The following ODR4 variants were observed in gnomAD, a reference collection of about 807,000 sequenced individuals.
ODR4 encodes the protein protein odr-4 homolog.
ODR4 carries 47 observed loss-of-function variants against 60.2 expected under a neutral mutation model. That is an observed-to-expected ratio of 0.78 (90% CI 0.62 to 1.00). The LOEUF is 1.00. ODR4 is among the 50% of genes least tolerant of loss of function. ODR4 has a pLI of 0.00. For missense variants in ODR4, 488 were observed against 530.8 expected (o/e 0.92, Z 0.79); for synonymous variants, 178 against 175.5 (o/e 1.01, Z -0.11).
At chr1:186,423,407 G>A (rs1661829928), downstream of ODR4, among the ~76,000 whole-genome samples, 1 of 144,432 alleles carries the variant, frequency 6.9e-6, no homozygotes, top group African/African-American at 2.6e-5. Context: ...TTAAAAATCA[G>A]GAACACAAGG....
At chr1:186,413,003 A>G (rs1165404881) in intron 12 of ODR4, among the ~76,000 whole-genome samples, 5 of 152,270 alleles carry the variant, frequency 3.3e-5, no homozygotes, top group African/African-American at 1.2e-4. Flanking sequence ...ACCATAAGAA[A>G]GTGGAGCTCA....
chr1:186,376,550 C>A (rs1000391892), intron 1 of ODR4, among the ~76,000 whole-genome samples: 1 of 152,058 alleles, frequency 6.6e-6, no homozygotes, highest in Non-Finnish European at 1.5e-5. Context: ...GAAATTTATT[C>A]TTTTTCTCTA....
At chr1:186,377,817 AG>A (rs1235236709) in intron 1 of ODR4, among the ~76,000 whole-genome samples, 1 of 152,180 alleles carries the variant, frequency 6.6e-6, no homozygotes, top group Non-Finnish European at 1.5e-5. Context: ...AGGCCAAGGC[AG>A]GCAGATCACA....
In ODR4 at chr1:186,419,155, T is replaced by C; in HGVS notation, c.*79T>C. ...GAATAATAAAGATGTTAACAATCCA[T>C]CTGTATTTAAAACACTAGCAGCCAG... On this transcript the variant is annotated 3_prime_UTR_variant, in exon 14 of 14. Transcript: ENST00000287859. 7.8e-7 allele frequency: 1 copy of C among 1,288,718 alleles called. No homozygotes were observed. The highest frequency in any genetic ancestry group is 1.1e-6 in the Non-Finnish European group (1 of 909,718). 79.8% of individuals were successfully genotyped at this position (1,288,718 alleles called of 1,614,324 possible).
At chr1:186,393,278 A>G (rs1472268445) in intron 8 of ODR4, among the ~76,000 whole-genome samples, 1 of 152,198 alleles carries the variant, frequency 6.6e-6, no homozygotes, top group Non-Finnish European at 1.5e-5. Context: ...ATGAACTTAA[A>G]AGTTAAAAAA....
chr1:186,376,059 GA>G (rs1157001049), intron 1 of ODR4, 85 bp downstream of exon 1: 1 of 154,668 alleles, frequency 6.5e-6, no homozygotes, highest in East Asian at 1.9e-4. Flanking sequence ...GACAGTGTTG[GA>G]ACCATATGGA....
intron 12 of ODR4, among the ~76,000 whole-genome samples, chr1:186,413,148 A>G (rs1459333787): frequency 6.6e-6 from 1 of 152,104 alleles, no homozygotes; most frequent in African/African-American, 2.4e-5. Flanking sequence ...CTGAAATACA[A>G]AATGCTCCAA....
chr1:186,426,942 G>A, the ODR4 span, among the ~76,000 whole-genome samples: 1 of 152,006 alleles, frequency 6.6e-6, no homozygotes, highest in Non-Finnish European at 1.5e-5. Context: ...AAATAACAAT[G>A]TATATACCTT....
intron 3 of ODR4, among the ~76,000 whole-genome samples, chr1:186,384,840 C>T (rs568184591): frequency 3.9e-5 from 6 of 151,958 alleles, no homozygotes; most frequent in South Asian, 4.2e-4. Flanking sequence ...AGGAAAACAC[C>T]GAAAGACATA....
At chr1:186,426,988 G>A in the ODR4 span, among the ~76,000 whole-genome samples, 1 of 152,082 alleles carries the variant, frequency 6.6e-6, no homozygotes, top group African/African-American at 2.4e-5. Context: ...AATAAAAGTG[G>A]CAATCCTCTG....
intron 12 of ODR4, chr1:186,417,324 A>G (rs1661611250): frequency 4.7e-6 from 2 of 423,106 alleles, no homozygotes; most frequent in African/African-American, 2.1e-5. Flanking sequence ...GTTTAGTTCA[A>G]TGATAAAGCT....
chr1:186,392,252 G>A (rs1170537817), intron 8 of ODR4, among the ~76,000 whole-genome samples: 1 of 152,086 alleles, frequency 6.6e-6, no homozygotes, highest in Non-Finnish European at 1.5e-5. Context: ...TAAAAACAGA[G>A]ATACCATTTG....
At chr1:186,390,901 G>A in intron 7 of ODR4, 50 bp downstream of exon 7, 3 of 1,523,346 alleles carry the variant, frequency 2.0e-6, no homozygotes, top group Non-Finnish European at 2.7e-6. Context: ...TGAACAATCT[G>A]CTTTTATTCT....
intron 4 of ODR4, among the ~76,000 whole-genome samples, chr1:186,387,248 C>T (rs967432856): frequency 1.2e-4 from 18 of 152,126 alleles, no homozygotes; most frequent in African/African-American, 4.1e-4. Context: ...GAGATATTCT[C>T]CTCCCTGCTA....
intron 2 of ODR4, among the ~76,000 whole-genome samples, chr1:186,381,380 G>T (rs993673433): frequency 9.9e-5 from 15 of 150,812 alleles, no homozygotes; most frequent in Non-Finnish European, 2.1e-4. Flanking sequence ...AGGCTGGAGT[G>T]CAGTGGCGCA....
chr1:186,393,911 T>G, intron 8 of ODR4, 36 bp from the exon 9 acceptor site: 1 of 1,140,812 alleles, frequency 8.8e-7, no homozygotes, highest in Non-Finnish European at 1.3e-6. Flanking sequence ...TTTACAGGCT[T>G]CACAGTTTGG....
chr1:186,395,122 T>C (rs1277740498), intron 9 of ODR4, among the ~76,000 whole-genome samples: 1 of 152,100 alleles, frequency 6.6e-6, no homozygotes, highest in Non-Finnish European at 1.5e-5. Context: ...TGAGACGGAG[T>C]CTCGCTCTGT....
At chr1:186,391,877 A>T (rs1216009649) in intron 8 of ODR4, 86 bp downstream of exon 8, 1 of 787,794 alleles carries the variant, frequency 1.3e-6, no homozygotes, top group East Asian at 2.8e-5. Flanking sequence ...TGCCTACAAG[A>T]AAACTGATTT....
chr1:186,402,226 C>CTTTCTTTCTTTCT (rs1553237006), intron 11 of ODR4, among the ~76,000 whole-genome samples: 1 of 149,260 alleles, frequency 6.7e-6, no homozygotes, highest in South Asian at 2.1e-4. Flanking sequence ...TTCTTTCTTT[C>CTTTCTTTCTTTCT]TTTCTTTCCT....
Sources: gnomAD v4.1 joint callset for allele counts (sites outside exome capture counted in the v4.1 genomes callset) on GRCh38, gnomAD v4.1.1 for gene constraint, MANE v1.5 for transcripts, NCBI Gene and HGNC (gene_info 2026-07-23, HGNC 2026-07-21) for gene names.